MBOAT2: variants seen among roughly 807,000 people sequenced by gnomAD.
MBOAT2 encodes membrane-bound glycerophospholipid O-acyltransferase 2.
A neutral mutation model predicts 63.4 loss-of-function variants in MBOAT2; 28 were observed. That is an observed-to-expected ratio of 0.44 (90% CI 0.33 to 0.61). The LOEUF is 0.61. Ranked by LOEUF, MBOAT2 falls within the 20% of genes least tolerant of loss-of-function variation. MBOAT2 has a pLI of 0.03. For synonymous variants in MBOAT2, 211 were observed against 215.6 expected, an observed-to-expected ratio of 0.98 and a Z score of 0.19; for missense variants, 470 against 605.8, an observed-to-expected ratio of 0.78 and a Z score of 2.35.
At chr2:8,915,020 C>T (rs1666060833) in intron 3 of MBOAT2, among the ~76,000 whole-genome samples, 2 of 139,410 alleles carry the variant, frequency 1.4e-5, no homozygotes, top group South Asian at 4.8e-4. Flanking sequence ...CTCACTGCAA[C>T]CTCCACCTCC....
intron 2 of MBOAT2, among the ~76,000 whole-genome samples, chr2:8,955,939 AT>A (rs914633558): frequency 1.3e-5 from 2 of 152,154 alleles, no homozygotes; most frequent in Admixed American, 1.3e-4. Flanking sequence ...GATCCTTAGT[AT>A]TTTTTTACCA....
intron 3 of MBOAT2, among the ~76,000 whole-genome samples, chr2:8,911,384 G>A (rs1225324749): frequency 6.6e-6 from 1 of 152,132 alleles, no homozygotes; most frequent in Non-Finnish European, 1.5e-5. Context: ...CAGAGGACTG[G>A]CTGTTTTTCA....
At chr2:8,979,291 T>C (rs1386600771) in intron 1 of MBOAT2, among the ~76,000 whole-genome samples, 1 of 152,192 alleles carries the variant, frequency 6.6e-6, no homozygotes, top group Admixed American at 6.6e-5. Flanking sequence ...TAACCAATAA[T>C]CACTTACATA....
intron 1 of MBOAT2, among the ~76,000 whole-genome samples, chr2:9,002,061 G>A (rs146153620): frequency 6.7e-6 from 1 of 150,142 alleles, no homozygotes; most frequent in African/African-American, 2.5e-5. Flanking sequence ...CTGCACACCA[G>A]TGTGGAAATG....
intron 1 of MBOAT2, among the ~76,000 whole-genome samples, chr2:8,969,808 A>G (rs1670303800): frequency 6.6e-6 from 1 of 152,350 alleles, no homozygotes; most frequent in South Asian, 2.1e-4. Context: ...TCAATTCAAC[A>G]AGAAGAGCTA....
At chr2:8,898,377 C>A (rs1044991247) in intron 4 of MBOAT2, among the ~76,000 whole-genome samples, 1 of 152,210 alleles carries the variant, frequency 6.6e-6, no homozygotes, top group Non-Finnish European at 1.5e-5. Context: ...ACCCCCGCAA[C>A]TGTTTTAATG....
chr2:9,002,209 G>C (rs1346088833), intron 1 of MBOAT2, among the ~76,000 whole-genome samples: 1 of 152,194 alleles, frequency 6.6e-6, no homozygotes, highest in Non-Finnish European at 1.5e-5. Context: ...ACACCCATTA[G>C]AACTCTTGTT....
intron 7 of MBOAT2, among the ~76,000 whole-genome samples, chr2:8,876,750 T>C (rs1302294249): frequency 4.6e-5 from 7 of 152,060 alleles, no homozygotes; most frequent in Non-Finnish European, 1.0e-4. Flanking sequence ...TGGAAAATTG[T>C]TAGGCTGGCC....
intron 9 of MBOAT2, 61 bp from the exon 10 acceptor site, chr2:8,864,295 A>T: frequency 3.2e-6 from 3 of 926,784 alleles, no homozygotes; most frequent in Non-Finnish European, 4.7e-6. Context: ...AAATATAATA[A>T]TATATTATTA....
chr2:8,870,319 TTAAATA>T (rs1195624581), intron 8 of MBOAT2, among the ~76,000 whole-genome samples: 1 of 152,138 alleles, frequency 6.6e-6, no homozygotes, highest in Non-Finnish European at 1.5e-5. Context: ...AATTAAGGAA[TTAAATA>T]TAGTCTGCCT....
intron 1 of MBOAT2, among the ~76,000 whole-genome samples, chr2:8,982,431 C>T (rs760324406): frequency 1.3e-5 from 2 of 152,170 alleles, no homozygotes; most frequent in Non-Finnish European, 2.9e-5. Flanking sequence ...TCTAGTTCTT[C>T]GCGAACCTTG....
Position 8,858,772 on chromosome 2 carries a change from T to G in MBOAT2, c.1470A>C (p.Glu490Asp). 4 of 1,614,186 alleles carry G rather than the reference T, an allele frequency of 2.5e-6. No homozygotes were observed. In the South Asian group the frequency reaches 4.4e-5, roughly 18 times the overall value. Residue 490 changes from glutamate (E) to aspartate (D), a missense_variant, in exon 13 of 13, where the codon GAA (glutamate) becomes GAC (aspartate). Coordinates refer to ENST00000305997, the MANE Select transcript of MBOAT2 (RefSeq NM_138799.4). ...AAAAACTGTTCTGTCCCAAAGAATT[T>G]TCTCCTTCATCAAACTTTTTGGATT... ...LSQSKKFDEG[E>D]NSLGQNSFST...
chr2:8,975,465 T>C (rs1670750250), intron 1 of MBOAT2, among the ~76,000 whole-genome samples: 1 of 152,114 alleles, frequency 6.6e-6, no homozygotes, highest in African/African-American at 2.4e-5. Context: ...GGCCTGGCTC[T>C]ATCTGTGCCT....
intron 7 of MBOAT2, among the ~76,000 whole-genome samples, chr2:8,876,384 TGAA>T (rs1662701754): frequency 1.3e-5 from 2 of 152,220 alleles, no homozygotes; most frequent in Admixed American, 1.3e-4. Context: ...CTACCTTGTA[TGAA>T]TGCTGTGAAG....
In MBOAT2 at chr2:8,997,898, A is replaced by G. The variant is rs1210185067; in HGVS notation, c.75+5642T>C. ...CATGGAATACAGGGAAACCTACATT[A>G]GCTGCAATTGTCAGGGCTCGTGGTA... On this transcript the variant is annotated intron_variant, in intron 1 of 12. Transcript: ENST00000305997. Among the ~76,000 whole-genome samples, 5 of 152,376 alleles carry G rather than the reference A, an allele frequency of 3.3e-5. No homozygotes were observed. In the South Asian group the frequency reaches 1.0e-3, roughly 32 times the overall value.
chr2:8,874,252 T>A lies in MBOAT2; in HGVS notation c.691-952A>T, dbSNP rs568431275. Among the ~76,000 whole-genome samples the A allele has an allele frequency of 1.2e-4, 19 of 152,338 alleles. 1 individual carries two copies. The highest frequency in any genetic ancestry group is 4.3e-4 in the African/African-American group (18 of 41,580). On this transcript the variant is annotated intron_variant, in intron 7 of 12. Coordinates refer to ENST00000305997, the MANE Select transcript of MBOAT2 (RefSeq NM_138799.4). ...ACAGTATTTTATTATTGGTTGCTCC[T>A]GCGAGGTGGAACTCAGTGTTCAAGG...
At chr2:8,912,193 C>T (rs1476193311) in intron 3 of MBOAT2, among the ~76,000 whole-genome samples, 1 of 151,518 alleles carries the variant, frequency 6.6e-6, no homozygotes, top group Non-Finnish European at 1.5e-5. Flanking sequence ...GACAAGGATG[C>T]CCATTCTCCA....
chr2:8,968,099 C>A (rs546634991), intron 1 of MBOAT2, among the ~76,000 whole-genome samples: 1 of 152,088 alleles, frequency 6.6e-6, no homozygotes, highest in Non-Finnish European at 1.5e-5. Context: ...GGTCCCTGAC[C>A]CCCGAGAAGC....
chr2:8,986,207 C>CAAAAAAA (rs749608343), intron 1 of MBOAT2, among the ~76,000 whole-genome samples: 1 of 74,392 alleles, frequency 1.3e-5, no homozygotes, highest in Non-Finnish European at 2.7e-5. Context: ...ACAAGGTCAC[C>CAAAAAAA]AAAAAAAAAA....
Sources: allele counts gnomAD v4.1 joint callset (sites outside exome capture counted in the v4.1 genomes callset), GRCh38; gene constraint gnomAD v4.1.1; transcripts MANE v1.5; gene names NCBI Gene and HGNC (gene_info 2026-07-23, HGNC 2026-07-21).